The following CHSY3 variants were observed in gnomAD, a reference collection of about 807,000 sequenced individuals.
The protein encoded by CHSY3 is chondroitin sulfate synthase 3, also known as N-acetylgalactosaminyl-proteoglycan 3-beta-glucuronosyltransferase 3.
In CHSY3, 35 loss-of-function variants were observed where a neutral mutation model predicts 67.2. That is an observed-to-expected ratio of 0.52 (90% confidence interval 0.40 to 0.69). The LOEUF (loss-of-function observed/expected upper bound fraction) is 0.69. Among genes scored for constraint, CHSY3 ranks in the 30% least tolerant of loss-of-function variants. The pLI, the probability that CHSY3 is intolerant of heterozygous loss-of-function variation, is 0.00. For synonymous variants in CHSY3, 474 were observed against 434.7 expected (o/e 1.09, Z -1.12); for missense variants, 1,069 against 1,138.5 (o/e 0.94, Z 0.88).
At chr5:129,985,625 C>T (rs1763176832) in intron 2 of CHSY3, among the ~76,000 whole-genome samples, 1 of 152,076 alleles carries the variant, frequency 6.6e-6, no homozygotes, top group Non-Finnish European at 1.5e-5. Context: ...GCAGTATGGC[C>T]ATTTTAACGC....
At chr5:130,122,578 G>A (rs1019255540) in intron 2 of CHSY3, among the ~76,000 whole-genome samples, 1 of 152,184 alleles carries the variant, frequency 6.6e-6, no homozygotes, top group Non-Finnish European at 1.5e-5. Context: ...ACTTTGGAAG[G>A]GAGGTGCTCA....
intron 2 of CHSY3, among the ~76,000 whole-genome samples, chr5:130,136,273 G>A (rs1356854688): frequency 1.3e-5 from 2 of 152,182 alleles, no homozygotes; most frequent in Non-Finnish European, 2.9e-5. Flanking sequence ...CCAGGAAGAA[G>A]GAATAAGTCA....
chr5:130,093,582 A>G (rs1187530309), intron 2 of CHSY3, among the ~76,000 whole-genome samples: 1 of 152,172 alleles, frequency 6.6e-6, no homozygotes, highest in Non-Finnish European at 1.5e-5. Flanking sequence ...ACTTATTACA[A>G]CAACCTTGAA....
At chr5:130,017,238 C>T (rs1247714602) in intron 2 of CHSY3, among the ~76,000 whole-genome samples, 7 of 151,050 alleles carry the variant, frequency 4.6e-5, no homozygotes, top group East Asian at 2.0e-4. Flanking sequence ...TGTGGAAGTT[C>T]GAGTGTATGG....
At chr5:129,939,160 A>G (rs1761615676) in intron 2 of CHSY3, among the ~76,000 whole-genome samples, 1 of 152,160 alleles carries the variant, frequency 6.6e-6, no homozygotes, top group Non-Finnish European at 1.5e-5. Flanking sequence ...GAGAGAGTGA[A>G]CAGGGAAGTG....
rs530648784 is a variant in CHSY3, at chr5:129,957,327, C to T, written c.1086+48967C>T. Among the ~76,000 whole-genome samples the T allele has an allele frequency of 2.0e-5, 3 of 151,710 alleles. No individual in the cohort carries two copies. The East Asian group carries it at 5.9e-4, about 30-fold the overall frequency. ...TGTATGTTGATTTTGTATTCTGAGA[C>T]TTTGCTGAAATTGTTTTTCAGCTTA... On this transcript the variant is annotated intron_variant, in intron 2 of 2. Coordinates refer to ENST00000305031, the MANE Select transcript of CHSY3 (RefSeq NM_175856.5).
chr5:130,001,491 G>C (rs541388188), intron 2 of CHSY3: 2 of 957,286 alleles, frequency 2.1e-6, no homozygotes, highest in Non-Finnish European at 2.5e-6. Flanking sequence ...GCAGAGACTG[G>C]TACCAAGATC....
intron 2 of CHSY3, among the ~76,000 whole-genome samples, chr5:130,147,112 A>G (rs1769097709): frequency 6.6e-6 from 1 of 152,126 alleles, no homozygotes; most frequent in Non-Finnish European, 1.5e-5. Flanking sequence ...TTTTTATCTC[A>G]TGGCAGTACT....
intron 2 of CHSY3, among the ~76,000 whole-genome samples, chr5:130,146,913 C>G (rs1418957550): frequency 2.0e-5 from 3 of 152,152 alleles, no homozygotes; most frequent in African/African-American, 7.2e-5. Context: ...CCTGCCTCAG[C>G]TTCCCCAGTA....
Position 130,185,833 on chromosome 5 carries a change from C to A in CHSY3, c.*42C>A, listed in dbSNP as rs1364184452. The stretch of plus-strand genomic sequence containing the variant: ...TTTTGCCTTTTTTAAGGGGAGTTTA[C>A]CTCATTGTTGGTTGTTGTTATTTTT... On this transcript the variant is annotated 3_prime_UTR_variant, in exon 3 of 3. Transcript: ENST00000305031. The A allele has an allele frequency of 7.8e-7, 1 of 1,277,870 alleles. No homozygotes were observed. Among genetic ancestry groups the A allele is most frequent in the Admixed American group, 2.5e-5 (1 of 40,132 alleles). 79.2% of individuals were successfully genotyped at this position (1,277,870 alleles called of 1,614,324 possible). A position where few individuals can be genotyped will look rare whatever the true frequency, so the allele number is the denominator to read the frequency against.
At chr5:130,011,193 A>G (rs1412193655) in intron 2 of CHSY3, among the ~76,000 whole-genome samples, 1 of 152,182 alleles carries the variant, frequency 6.6e-6, no homozygotes, top group East Asian at 1.9e-4. Flanking sequence ...TCAGGCCAGT[A>G]TCTCTGATGG....
chr5:130,061,756 T>C (rs896714326), intron 2 of CHSY3, among the ~76,000 whole-genome samples: 2 of 151,986 alleles, frequency 1.3e-5, no homozygotes. Context: ...GAAGAGTCAT[T>C]CCTCCAAAGA....
Position 130,127,872 on chromosome 5 carries a change from T to C in CHSY3, c.1087-56357T>C, listed in dbSNP as rs6876437. 7.0e-3 allele frequency among the ~76,000 whole-genome samples: 1,061 copies of C among 152,284 alleles called. 19 individuals carry two copies. Among genetic ancestry groups the C allele is most frequent in the African/African-American group, 0.025 (1,026 of 41,556 alleles). On this transcript the variant is annotated intron_variant, in intron 2 of 2. Coordinates refer to ENST00000305031, the MANE Select transcript of CHSY3 (RefSeq NM_175856.5). ...TGCACTATTAGAGTTCTCAATTCTATAAATATATGCTTTAAAATATAGCAG... is the reference window on the plus strand; with the variant it reads ...TGCACTATTAGAGTTCTCAATTCTACAAATATATGCTTTAAAATATAGCAG...
At chr5:130,059,350 T>G (rs1450535546) in intron 2 of CHSY3, among the ~76,000 whole-genome samples, 2 of 152,044 alleles carry the variant, frequency 1.3e-5, no homozygotes, top group Non-Finnish European at 2.9e-5. Flanking sequence ...TTGTGGGAAC[T>G]AATTCCTTAA....
chr5:130,159,915 T>G (rs1769480300), intron 2 of CHSY3, among the ~76,000 whole-genome samples: 1 of 152,190 alleles, frequency 6.6e-6, no homozygotes, highest in African/African-American at 2.4e-5. Context: ...AGAATATTTC[T>G]AACTAAAAAT....
chr5:130,040,390 A>G (rs1444323127), intron 2 of CHSY3, among the ~76,000 whole-genome samples: 2 of 152,108 alleles, frequency 1.3e-5, no homozygotes, highest in Admixed American at 6.6e-5. Context: ...TCTGAGTGAC[A>G]AGGTGTCCAT....
intron 2 of CHSY3, among the ~76,000 whole-genome samples, chr5:129,983,935 C>T (rs1763095893): frequency 1.3e-5 from 2 of 152,032 alleles, no homozygotes; most frequent in South Asian, 4.1e-4. Context: ...TTGAACAAAA[C>T]ATCCTAATGC....
intron 2 of CHSY3, among the ~76,000 whole-genome samples, chr5:129,923,538 G>C (rs1760992047): frequency 6.6e-6 from 1 of 152,132 alleles, no homozygotes; most frequent in African/African-American, 2.4e-5. Context: ...AATATAAGCA[G>C]GGGAAATGAA....
chr5:130,043,202 T>G (rs1033401414), intron 2 of CHSY3, among the ~76,000 whole-genome samples: 10 of 152,066 alleles, frequency 6.6e-5, no homozygotes, highest in Admixed American at 3.3e-4. Context: ...TTGTTTGTTT[T>G]TTTTACTGTG....
Sources: gnomAD v4.1 joint callset for allele counts (sites outside exome capture counted in the v4.1 genomes callset) on GRCh38, gnomAD v4.1.1 for gene constraint, MANE v1.5 for transcripts, NCBI Gene and HGNC (gene_info 2026-07-23, HGNC 2026-07-21) for gene names.